The following MCTP2 variants were observed in gnomAD, a reference collection of about 807,000 sequenced individuals.
The protein encoded by MCTP2 is multiple C2 and transmembrane domain containing 2, also known as multiple C2 and transmembrane domain-containing protein 2.
A neutral mutation model predicts 111.6 loss-of-function variants in MCTP2; 132 were observed. The observed-to-expected ratio is 1.18, with a 90% CI of 1.03 to 1.37. The LOEUF is 1.37. Ranked by LOEUF, MCTP2 falls within the 40% of genes most tolerant of loss-of-function variation. The probability of loss-of-function intolerance (pLI) is 0.00; values close to 1 mark genes in which losing one functional copy is unlikely to be tolerated. For synonymous variants in MCTP2, 395 were observed against 387.7 expected, an observed-to-expected ratio of 1.02 and a Z score of -0.22; for missense variants, 1,183 against 1,067.9, an observed-to-expected ratio of 1.11 and a Z score of -1.50.
intron 20 of MCTP2, among the ~76,000 whole-genome samples, chr15:94,461,010 C>T (rs576572475): frequency 6.8e-6 from 1 of 147,220 alleles, no homozygotes; most frequent in Admixed American, 7.0e-5. Flanking sequence ...TAAGGCTTCC[C>T]TGATACTGAT....
chr15:94,283,498 G>A (rs1364307246), intron 1 of MCTP2, among the ~76,000 whole-genome samples: 1 of 152,124 alleles, frequency 6.6e-6, no homozygotes, highest in Non-Finnish European at 1.5e-5. Context: ...GGGGGTTGTG[G>A]GATATCCTGC....
At chr15:94,421,670 G>A (rs2082636558) in intron 17 of MCTP2, among the ~76,000 whole-genome samples, 1 of 152,172 alleles carries the variant, frequency 6.6e-6, no homozygotes, top group Non-Finnish European at 1.5e-5. Context: ...CTGCCCTCAT[G>A]TCTTTTCTGG....
At chr15:94,390,206 C>CT (rs2080873532) in intron 14 of MCTP2, among the ~76,000 whole-genome samples, 1 of 150,446 alleles carries the variant, frequency 6.6e-6, no homozygotes, top group Non-Finnish European at 1.5e-5. Flanking sequence ...TGTCTTCAAT[C>CT]TTTTTCAGAA....
intron 12 of MCTP2, among the ~76,000 whole-genome samples, chr15:94,373,041 T>G (rs1439484462): frequency 6.6e-6 from 1 of 152,140 alleles, no homozygotes; most frequent in African/African-American, 2.4e-5. Flanking sequence ...CATACGGAGG[T>G]TATAGTTACC....
At chr15:94,318,272 A>T (rs1466166142) in intron 4 of MCTP2, among the ~76,000 whole-genome samples, 8 of 143,126 alleles carry the variant, frequency 5.6e-5, no homozygotes, top group Non-Finnish European at 1.1e-4. Context: ...CAAAAAAAAA[A>T]TTTTTTTTTT....
intron 15 of MCTP2, chr15:94,399,695 G>T (rs1264265599): frequency 1.1e-5 from 5 of 449,064 alleles, no homozygotes; most frequent in Non-Finnish European, 2.0e-5. Flanking sequence ...TGAGCAAAGT[G>T]GAGACAGTAC....
intron 20 of MCTP2, among the ~76,000 whole-genome samples, chr15:94,460,289 G>T (rs1014404097): frequency 5.9e-5 from 9 of 152,202 alleles, no homozygotes; most frequent in African/African-American, 1.9e-4. Flanking sequence ...GCTGGGCAAA[G>T]AATTGATGAA....
chr15:94,335,361 C>T (rs2077313149), intron 4 of MCTP2, among the ~76,000 whole-genome samples: 1 of 152,152 alleles, frequency 6.6e-6, no homozygotes, highest in South Asian at 2.1e-4. Flanking sequence ...GACATTGCTT[C>T]TAAACAGGAT....
intron 12 of MCTP2, among the ~76,000 whole-genome samples, chr15:94,382,346 A>C (rs1195586502): frequency 6.6e-6 from 1 of 152,234 alleles, no homozygotes; most frequent in Admixed American, 6.5e-5. Flanking sequence ...CTTTTCCGCT[A>C]TATGTAGACA....
chr15:94,402,468 C>T, intron 17 of MCTP2: 1 of 1,551,580 alleles, frequency 6.4e-7, no homozygotes. Flanking sequence ...GATCATTACA[C>T]ATTGCAATTT....
At chr15:94,370,007 T>A in intron 11 of MCTP2, 80 bp from the exon 12 acceptor site, 1 of 774,052 alleles carries the variant, frequency 1.3e-6, no homozygotes, top group Non-Finnish European at 2.0e-6. Flanking sequence ...AAATCTAGGA[T>A]GCACTTCCTA....
chr15:94,377,872 G>A (rs1193637975), intron 12 of MCTP2, among the ~76,000 whole-genome samples: 1 of 152,082 alleles, frequency 6.6e-6, no homozygotes, highest in Non-Finnish European at 1.5e-5. Context: ...AAGAAGGAAA[G>A]GCACTTGAAA....
At chr15:94,261,512 G>A (rs946923544) in intron 1 of MCTP2, among the ~76,000 whole-genome samples, 8 of 152,278 alleles carry the variant, frequency 5.3e-5, no homozygotes, top group Admixed American at 1.3e-4. Flanking sequence ...AGTAATTCTT[G>A]CAGGATGCTT....
intron 1 of MCTP2, among the ~76,000 whole-genome samples, chr15:94,277,752 A>G (rs1396028098): frequency 6.6e-6 from 1 of 152,178 alleles, no homozygotes; most frequent in Admixed American, 6.5e-5. Context: ...AAGGGTAAAT[A>G]CAGGACATTA....
rs568611576 is a variant in MCTP2 at position 94,282,412 on chromosome 15, A to G, written c.-65-15789A>G. Reference sequence around the variant, plus strand: ...CCAGAAGTTCAGTTGATTCTTTTGTAAAATGATTATGACATCTTTCAGCTC... The same window carrying G: ...CCAGAAGTTCAGTTGATTCTTTTGTGAAATGATTATGACATCTTTCAGCTC... On this transcript the variant is annotated intron_variant, in intron 1 of 22. Transcript: ENST00000357742. Among the ~76,000 whole-genome samples the G allele has an allele frequency of 2.6e-5, 4 of 152,322 alleles. No individual in the cohort carries two copies. The South Asian group carries it at 8.3e-4, about 32-fold the overall frequency.
chr15:94,267,497 A>T (rs907327571), intron 1 of MCTP2, among the ~76,000 whole-genome samples: 5 of 152,194 alleles, frequency 3.3e-5, no homozygotes, highest in African/African-American at 1.2e-4. Flanking sequence ...AAAGTTTTTG[A>T]CAACTTTGAA....
At position 94,370,926 on chromosome 15, in the gene MCTP2, A is replaced by G. The variant is rs565136469; in HGVS notation, c.1582+746A>G. On this transcript the variant is annotated intron_variant, in intron 12 of 22. Coordinates refer to ENST00000357742, the MANE Select transcript of MCTP2 (RefSeq NM_001385001.1). ...GTTCTATCTATTGATTCAGGATTGC[A>G]TGGTTTTTAAAAATATATATCTCAT... Among the ~76,000 whole-genome samples, 25 of 152,284 alleles carry G rather than the reference A, an allele frequency of 1.6e-4. No homozygotes were observed. In the East Asian group the frequency reaches 1.9e-3, roughly 12 times the overall value.
At chr15:94,417,939 C>T (rs1372684599) in intron 17 of MCTP2, among the ~76,000 whole-genome samples, 2 of 152,040 alleles carry the variant, frequency 1.3e-5, no homozygotes, top group Non-Finnish European at 2.9e-5. Context: ...TTACTGCAAG[C>T]CTGCTTCTTT....
At chr15:94,325,892 T>C (rs141635223) in intron 4 of MCTP2, among the ~76,000 whole-genome samples, 1,930 of 143,086 alleles carry the variant, frequency 0.013, 38 homozygotes, top group African/African-American at 0.048. Flanking sequence ...CGATCTCGGC[T>C]CACTGCAACC....
Sources: gnomAD v4.1 joint callset for allele counts (sites outside exome capture counted in the v4.1 genomes callset) on GRCh38, gnomAD v4.1.1 for gene constraint, MANE v1.5 for transcripts, NCBI Gene and HGNC (gene_info 2026-07-23, HGNC 2026-07-21) for gene names.